Variants in ATG4C observed in about 807,000 individuals in gnomAD.
The protein encoded by ATG4C is cysteine protease ATG4C.
In ATG4C, 56 loss-of-function variants were observed where a neutral mutation model predicts 57.6. That is an observed-to-expected ratio of 0.97 (90% confidence interval 0.78 to 1.21). ATG4C has a LOEUF of 1.21. Ranked by LOEUF, ATG4C falls within the 50% of genes most tolerant of loss-of-function variation. The pLI is 0.00. For missense variants in ATG4C, 595 were observed against 529.8 expected (o/e 1.12, Z -1.21); for synonymous variants, 157 against 174.1 (o/e 0.90, Z 0.78).
Position 62,821,217 on chromosome 1 carries a change from A to G in ATG4C, c.796+8A>G. ...TTGCACAAGATTGTACAGGTAAGGAATGTATATAATTCTAATCTTTGTTTT... is the reference window on the plus strand; with the variant it reads ...TTGCACAAGATTGTACAGGTAAGGAGTGTATATAATTCTAATCTTTGTTTT... On this transcript the variant is annotated splice_region_variant and intron_variant, in intron 6 of 10. Transcript: ENST00000317868. The G allele has an allele frequency of 6.5e-7, 1 of 1,547,386 alleles. No individual in the cohort carries two copies. Among genetic ancestry groups the G allele is most frequent in the Non-Finnish European group, 8.8e-7 (1 of 1,142,102 alleles).
At chr1:62,811,710 G>C (rs1425213369) in intron 3 of ATG4C, among the ~76,000 whole-genome samples, 1 of 152,062 alleles carries the variant, frequency 6.6e-6, no homozygotes, top group Non-Finnish European at 1.5e-5. Context: ...TTGTATCTCA[G>C]GGACCAAAAT....
intron 1 of ATG4C, among the ~76,000 whole-genome samples, chr1:62,798,736 G>A (rs548354785): frequency 1.3e-5 from 2 of 151,414 alleles, no homozygotes; most frequent in African/African-American, 4.9e-5. Flanking sequence ...GCTCTGCCTC[G>A]CAGGTTCAAG....
At chr1:62,787,367 T>C (rs1664126981) in intron 1 of ATG4C, among the ~76,000 whole-genome samples, 1 of 152,186 alleles carries the variant, frequency 6.6e-6, no homozygotes, top group African/African-American at 2.4e-5. Context: ...TATGAATAGG[T>C]AACTGAATAA....
rs187299731 is a variant in ATG4C, at chr1:62,785,244, T to C, written c.-69+971T>C. ...AGCCATTGAGAATACCCAGAGGGAG[T>C]GGAAAGGCTTTGAAAGGTAAAGTCT... On this transcript the variant is annotated intron_variant, in intron 1 of 10. Coordinates refer to ENST00000317868, the MANE Select transcript of ATG4C (RefSeq NM_032852.4). 2.6e-5 allele frequency: 4 copies of C among 152,188 alleles called. No individual in the cohort carries two copies. In the East Asian group the frequency reaches 7.7e-4, roughly 29 times the overall value. The allele number at this position is 152,188 out of a possible 1,614,324, so 9.4% of individuals were successfully genotyped here.
chr1:62,786,447 G>C (rs1312965645), intron 1 of ATG4C, among the ~76,000 whole-genome samples: 1 of 151,796 alleles, frequency 6.6e-6, no homozygotes, highest in East Asian at 1.9e-4. Context: ...GAGATAACTA[G>C]GGAATGTTTC....
In ATG4C at chr1:62,828,831, T is replaced by C. The variant is rs535336921; in HGVS notation, c.797-209T>C. Among the ~76,000 whole-genome samples, 4 of 152,134 alleles carry C rather than the reference T, an allele frequency of 2.6e-5. No individual in the cohort carries two copies. In the East Asian group the frequency reaches 5.8e-4, roughly 22 times the overall value. On this transcript the variant is annotated intron_variant, in intron 6 of 10. Transcript: ENST00000317868. ...TCCATCTTGAGTTGATTTTTATATA[T>C]GGTGTAAGGAAGTGGTCCAGCTTCA...
intron 10 of ATG4C, 143 bp from the exon 11 acceptor site, chr1:62,863,849 A>G (rs1050360407): frequency 6.4e-5 from 34 of 527,498 alleles, no homozygotes; most frequent in Non-Finnish European, 1.0e-4. Flanking sequence ...TTTTAGCCAG[A>G]ACAGGCAAAG....
At chr1:62,792,524 A>G (rs1459437404) in intron 1 of ATG4C, among the ~76,000 whole-genome samples, 1 of 152,222 alleles carries the variant, frequency 6.6e-6, no homozygotes, top group African/African-American at 2.4e-5. Flanking sequence ...TAATGTATAG[A>G]CAGAAACTTG....
At position 62,864,172 on chromosome 1, in the gene ATG4C, T is replaced by G. The variant is rs1666938014; in HGVS notation, c.*13T>G. 1 of 1,578,008 alleles carries G rather than the reference T, an allele frequency of 6.3e-7. No homozygotes were observed. The highest frequency in any genetic ancestry group is 2.3e-5 in the East Asian group (1 of 43,774). ...TGTCTTGCTTTAAAGATTAGCACATTTGTGCTTGATAAGAAGAATTCCATT... is the reference window on the plus strand; with the variant it reads ...TGTCTTGCTTTAAAGATTAGCACATGTGTGCTTGATAAGAAGAATTCCATT... On this transcript the variant is annotated 3_prime_UTR_variant, in exon 11 of 11. Coordinates refer to ENST00000317868, the MANE Select transcript of ATG4C (RefSeq NM_032852.4).
chr1:62,860,874 A>G (rs1572182480), intron 10 of ATG4C, among the ~76,000 whole-genome samples: 1 of 152,196 alleles, frequency 6.6e-6, no homozygotes, highest in East Asian at 1.9e-4. Flanking sequence ...CTTGAGGAGA[A>G]GTGATCATCT....
At chr1:62,856,164 T>G (rs544532334) in intron 10 of ATG4C, among the ~76,000 whole-genome samples, 2 of 152,338 alleles carry the variant, frequency 1.3e-5, no homozygotes, top group African/African-American at 4.8e-5. Context: ...TTGGTTAAGG[T>G]CTTTTTGAAA....
At chr1:62,848,091 C>G (rs1022460512) in intron 10 of ATG4C, among the ~76,000 whole-genome samples, 1 of 152,108 alleles carries the variant, frequency 6.6e-6, no homozygotes, top group Admixed American at 6.5e-5. Context: ...TACAGAAAGA[C>G]ATGTTATAAA....
intron 5 of ATG4C, among the ~76,000 whole-genome samples, chr1:62,820,217 A>G (rs796572776): frequency 3.2e-4 from 49 of 152,116 alleles, no homozygotes; most frequent in African/African-American, 1.2e-3. Flanking sequence ...CATAGTTTCT[A>G]CCCTTCAAGA....
Position 62,798,234 on chromosome 1 carries a change from TTCA to T in ATG4C, c.-68-5480_-68-5478del, listed in dbSNP as rs562166210. On this transcript the variant is annotated intron_variant, in intron 1 of 10. Coordinates refer to ENST00000317868, the MANE Select transcript of ATG4C (RefSeq NM_032852.4). ...ATTTAAATATTTGATTCATCTAGAATTCATCATTTATTGAGGTAGTCATCTAGC... is the reference window on the plus strand; with the variant it reads ...ATTTAAATATTTGATTCATCTAGAATTCATTTATTGAGGTAGTCATCTAGC... Among the ~76,000 whole-genome samples, 704 of 152,320 alleles carry T rather than the reference TTCA, an allele frequency of 4.6e-3. 6 individuals are homozygous for T. Among genetic ancestry groups the T allele is most frequent in the African/African-American group, 0.016 (680 of 41,544 alleles).
Position 62,828,689 on chromosome 1 carries a change from C to T in ATG4C, c.797-351C>T, listed in dbSNP as rs370932517. Among the ~76,000 whole-genome samples, 28 of 152,246 alleles carry T rather than the reference C, an allele frequency of 1.8e-4. 1 individual carries two copies. Among genetic ancestry groups the T allele is most frequent in the South Asian group, 4.2e-4 (2 of 4,816 alleles). On this transcript the variant is annotated intron_variant, in intron 6 of 10. Transcript: ENST00000317868. ...CATTTGTCAATTTTCGCTTTTGTTG[C>T]GATTGTTTTCGGTATCTTTGTCATG...
intron 7 of ATG4C, among the ~76,000 whole-genome samples, chr1:62,832,361 A>G (rs1356652679): frequency 6.6e-6 from 1 of 152,240 alleles, no homozygotes; most frequent in South Asian, 2.1e-4. Context: ...AGAGAACAGA[A>G]ATTTATTCTC....
chr1:62,807,424 G>C (rs1397320100), intron 3 of ATG4C, among the ~76,000 whole-genome samples: 1 of 152,114 alleles, frequency 6.6e-6, no homozygotes, highest in East Asian at 1.9e-4. Context: ...TGACTCTGTG[G>C]GTTTCTGGAT....
At chr1:62,833,234 A>G (rs1665896789) in intron 7 of ATG4C, among the ~76,000 whole-genome samples, 2 of 152,312 alleles carry the variant, frequency 1.3e-5, no homozygotes, top group Non-Finnish European at 2.9e-5. Flanking sequence ...TTTATAACCT[A>G]TACTTTATCA....
chr1:62,833,456 A>G (rs774019955), intron 7 of ATG4C, among the ~76,000 whole-genome samples: 1 of 152,160 alleles, frequency 6.6e-6, no homozygotes. Flanking sequence ...ATATTTTATG[A>G]TTAGTAAAAT....
Sources: gnomAD v4.1 joint callset for allele counts (sites outside exome capture counted in the v4.1 genomes callset) on GRCh38, gnomAD v4.1.1 for gene constraint, MANE v1.5 for transcripts, NCBI Gene and HGNC (gene_info 2026-07-23, HGNC 2026-07-21) for gene names.